Variants in GXYLT1 observed in about 807,000 individuals in gnomAD.
GXYLT1 encodes glucoside xylosyltransferase 1, also known as glycosyltransferase 8 domain containing 3.
A neutral mutation model predicts 54.0 loss-of-function variants in GXYLT1; 29 were observed. The ratio of observed to expected loss-of-function variants is 0.54; its 90% CI spans 0.40 to 0.73. GXYLT1 has a LOEUF of 0.73. Ranked by LOEUF, GXYLT1 falls within the 30% of genes least tolerant of loss-of-function variation. The pLI is 0.00. For missense variants in GXYLT1, 490 were observed against 553.4 expected, an observed-to-expected ratio of 0.89 and a Z score of 1.15; for synonymous variants, 176 against 204.1, an observed-to-expected ratio of 0.86 and a Z score of 1.17.
intron 4 of GXYLT1, among the ~76,000 whole-genome samples, chr12:42,106,416 C>A (rs1354807134): frequency 6.6e-6 from 1 of 152,076 alleles, no homozygotes; most frequent in African/African-American, 2.4e-5. Flanking sequence ...ATCCTAATTT[C>A]CTGAGATAAA....
At chr12:42,133,058 G>A (rs761127337) in intron 1 of GXYLT1, among the ~76,000 whole-genome samples, 12 of 152,042 alleles carry the variant, frequency 7.9e-5, no homozygotes, top group Non-Finnish European at 1.5e-4. Context: ...CAAGGTAGGC[G>A]GATCACTTGA....
intron 3 of GXYLT1, among the ~76,000 whole-genome samples, chr12:42,114,572 T>C (rs2065480984): frequency 6.6e-6 from 1 of 152,114 alleles, no homozygotes; most frequent in Non-Finnish European, 1.5e-5. Context: ...CTCCCAAGAC[T>C]AAACCAGGAA....
At position 42,098,026 on chromosome 12, in the gene GXYLT1, A is replaced by C. The variant is rs766432500; in HGVS notation, c.872T>G (p.Met291Arg). The C allele has an allele frequency of 6.2e-7, 1 of 1,608,156 alleles. No individual in the cohort carries two copies. The highest frequency in any genetic ancestry group is 1.3e-5 in the African/African-American group (1 of 74,684). ...RMRRKYFKND[M>R]TTVRLQWGDI... ...TCCCCATTGTAGTCGTACAGTTGTC[A>C]TATCATTCTGTTGATAAAAACATTC... Residue 291 changes from methionine (M) to arginine (R), a missense_variant, in exon 6 of 8, where the codon ATG becomes AGG. By Grantham distance (91) the Met-to-Arg change is moderately conservative. Transcript: ENST00000398675.
chr12:42,140,690 C>CGTA (rs1353660477), intron 1 of GXYLT1, among the ~76,000 whole-genome samples: 6 of 152,194 alleles, frequency 3.9e-5, no homozygotes, highest in Non-Finnish European at 8.8e-5. Context: ...ATGGCCTAAC[C>CGTA]AGATCTAAAA....
At chr12:42,131,091 G>T (rs1439791567) in intron 1 of GXYLT1, among the ~76,000 whole-genome samples, 1 of 152,096 alleles carries the variant, frequency 6.6e-6, no homozygotes, top group Non-Finnish European at 1.5e-5. Context: ...GATCAAGTCT[G>T]GTCTTTCTTG....
intron 2 of GXYLT1, among the ~76,000 whole-genome samples, chr12:42,125,010 CAG>C (rs1173061062): frequency 1.3e-5 from 2 of 152,150 alleles, no homozygotes; most frequent in Non-Finnish European, 2.9e-5. Context: ...TATCAGCCTG[CAG>C]AGTTAACGGT....
chr12:42,136,793 A>AAC (rs377361107), intron 1 of GXYLT1, among the ~76,000 whole-genome samples: 8 of 40,662 alleles, frequency 2.0e-4, no homozygotes, highest in East Asian at 1.4e-3. Context: ...CATACAAACA[A>AAC]ACACACACAC....
intron 1 of GXYLT1, among the ~76,000 whole-genome samples, chr12:42,140,221 A>G (rs2065644462): frequency 7.1e-6 from 1 of 140,090 alleles, no homozygotes; most frequent in Non-Finnish European, 1.5e-5. Context: ...GGACTTCACT[A>G]AAAACAGTAG....
chr12:42,092,303 T>C (rs1397019978), intron 7 of GXYLT1, among the ~76,000 whole-genome samples: 1 of 152,188 alleles, frequency 6.6e-6, no homozygotes, highest in African/African-American at 2.4e-5. Flanking sequence ...CCACGTAAGA[T>C]TAAACAGTGT....
intron 2 of GXYLT1, among the ~76,000 whole-genome samples, chr12:42,123,087 A>C (rs2065541027): frequency 6.6e-6 from 1 of 152,150 alleles, no homozygotes; most frequent in Non-Finnish European, 1.5e-5. Flanking sequence ...TTTTCACCCC[A>C]AAAAAGGCTG....
chr12:42,127,242 G>A (rs2065568106), intron 2 of GXYLT1, among the ~76,000 whole-genome samples: 1 of 152,174 alleles, frequency 6.6e-6, no homozygotes, highest in Non-Finnish European at 1.5e-5. Flanking sequence ...TGGCATTTGG[G>A]CTTGTATGCA....
chr12:42,105,875 T>G lies in GXYLT1; in HGVS notation c.807A>C (p.Gly269=). Residue 269 remains glycine, a synonymous_variant, in exon 5 of 8, where the codon GGA becomes GGC. Transcript: ENST00000398675. ...TCATCAACATAACTCCAGAGTTTAC[T>G]CCAGTTTTTCCATAATATGGATGCC... The part of the protein sequence containing the change: ...FARHPYYGKT[G]VNSGVMLMNM... 3.1e-6 allele frequency: 5 copies of G among 1,613,512 alleles called. No homozygotes were observed. The highest frequency in any genetic ancestry group is 3.4e-6 in the Non-Finnish European group (4 of 1,179,464).
chr12:42,103,854 C>G (rs2065403887), intron 5 of GXYLT1, among the ~76,000 whole-genome samples: 1 of 151,638 alleles, frequency 6.6e-6, no homozygotes, highest in Admixed American at 6.6e-5. Context: ...ATAACTACAC[C>G]TCTAGGTAGC....
At chr12:42,096,562 G>C (rs1458179869) in intron 7 of GXYLT1, among the ~76,000 whole-genome samples, 8 of 152,152 alleles carry the variant, frequency 5.3e-5, no homozygotes, top group Non-Finnish European at 2.9e-5. Context: ...AAAAGGGAGC[G>C]ATCTTCCTTA....
In GXYLT1 at chr12:42,089,895, C is replaced by CA. The variant is rs1449641799; in HGVS notation, c.1162-1949dup. On this transcript the variant is annotated intron_variant, in intron 7 of 7. Coordinates refer to ENST00000398675, the MANE Select transcript of GXYLT1 (RefSeq NM_173601.2). ...CTTTCAAGAAATATTTCAATGTGCA[C>CA]AAAAAACACTTGAACAACTGGTTGA... 2.6e-5 allele frequency among the ~76,000 whole-genome samples: 4 copies of CA among 152,028 alleles called. No homozygotes were observed. The South Asian group carries it at 6.2e-4, about 24-fold the overall frequency.
chr12:42,114,194 A>G (rs916493280), intron 3 of GXYLT1, among the ~76,000 whole-genome samples: 17 of 152,210 alleles, frequency 1.1e-4, no homozygotes, highest in African/African-American at 3.1e-4. Flanking sequence ...TCTAAAATTG[A>G]CACCTTAACA....
intron 3 of GXYLT1, among the ~76,000 whole-genome samples, chr12:42,110,157 G>T (rs899907431): frequency 6.6e-6 from 1 of 152,192 alleles, no homozygotes; most frequent in Non-Finnish European, 1.5e-5. Flanking sequence ...GCTTTAATAT[G>T]CCTAAATATT....
intron 1 of GXYLT1, among the ~76,000 whole-genome samples, chr12:42,131,919 C>G (rs1023570590): frequency 9.2e-5 from 14 of 152,184 alleles, no homozygotes; most frequent in Non-Finnish European, 1.8e-4. Context: ...AACAAATGCA[C>G]AATTTATTTA....
intron 4 of GXYLT1, among the ~76,000 whole-genome samples, chr12:42,106,278 T>C (rs2065420703): frequency 1.3e-5 from 2 of 152,056 alleles, no homozygotes; most frequent in African/African-American, 2.4e-5. Context: ...AGAGAAGATA[T>C]GAAAACAAAC....
Sources: gnomAD v4.1 joint callset for allele counts (sites outside exome capture counted in the v4.1 genomes callset) on GRCh38, gnomAD v4.1.1 for gene constraint, MANE v1.5 for transcripts, NCBI Gene and HGNC (gene_info 2026-07-23, HGNC 2026-07-21) for gene names.